Variants in LRRIQ1 observed in about 807,000 individuals in gnomAD.
LRRIQ1 encodes leucine-rich repeat- and IQ domain-containing protein 1.
A neutral mutation model predicts 211.9 loss-of-function variants in LRRIQ1; 210 were observed. The observed-to-expected ratio is 0.99, with a 90% CI of 0.89 to 1.11. The LOEUF is 1.11. Ranked by LOEUF, LRRIQ1 falls within the 50% of genes most tolerant of loss-of-function variation. The pLI, the probability that LRRIQ1 is intolerant of heterozygous loss-of-function variation, is 0.00. For missense variants in LRRIQ1, 2,136 were observed against 1,939.5 expected (o/e 1.10, Z -1.90); for synonymous variants, 699 against 650.1 (o/e 1.08, Z -1.14).
At chr12:85,168,278 A>G (rs925041746) in intron 24 of LRRIQ1, among the ~76,000 whole-genome samples, 2 of 152,090 alleles carry the variant, frequency 1.3e-5, no homozygotes, top group African/African-American at 4.8e-5. Context: ...ATCACAGGGC[A>G]TGGTAATACT....
At chr12:85,242,235 C>G (rs7487659) in intron 26 of LRRIQ1, among the ~76,000 whole-genome samples, 1,733 of 151,898 alleles carry the variant, frequency 0.011, 15 homozygotes, top group South Asian at 0.017. Flanking sequence ...GAATAAATGT[C>G]GAATGTGTGA....
intron 8 of LRRIQ1, among the ~76,000 whole-genome samples, chr12:85,063,153 G>C (rs1369460648): frequency 1.3e-5 from 2 of 150,548 alleles, no homozygotes; most frequent in African/African-American, 4.9e-5. Flanking sequence ...TAGGTTGTCT[G>C]TTTACTCTTT....
At chr12:85,256,835 A>G (rs892874870) in intron 1 of LRRIQ1, among the ~76,000 whole-genome samples, 2 of 150,518 alleles carry the variant, frequency 1.3e-5, no homozygotes, top group Admixed American at 6.7e-5. Flanking sequence ...TAAATTTTTC[A>G]AAGACTAAAA....
In LRRIQ1 at chr12:85,075,165, G is replaced by A. The variant is rs909309157; in HGVS notation, c.2887+2067G>A. 5.9e-5 allele frequency among the ~76,000 whole-genome samples: 9 copies of A among 151,924 alleles called. No individual in the cohort carries two copies. The South Asian group carries it at 6.2e-4, about 11-fold the overall frequency. ...GAGTTAGGTACTATTAAATATTTTCGGCTGGGCACAGTGGCTCACGCTTAT... is the reference window on the plus strand; with the variant it reads ...GAGTTAGGTACTATTAAATATTTTCAGCTGGGCACAGTGGCTCACGCTTAT... On this transcript the variant is annotated intron_variant, in intron 11 of 26. Coordinates refer to ENST00000393217, the MANE Select transcript of LRRIQ1 (RefSeq NM_001079910.2).
chr12:85,268,300 T>G (rs561273463), downstream of LRRIQ1, among the ~76,000 whole-genome samples: 2 of 152,006 alleles, frequency 1.3e-5, no homozygotes, highest in South Asian at 4.1e-4. Flanking sequence ...GTAAAAGGTA[T>G]AAATTTCTAA....
chr12:85,242,561 G>A (rs574224390), intron 26 of LRRIQ1, among the ~76,000 whole-genome samples: 12 of 151,956 alleles, frequency 7.9e-5, no homozygotes, highest in South Asian at 6.2e-4. Context: ...ACTGAGGAAC[G>A]ACTGTATATA....
At chr12:85,254,159 A>G (rs1896023244) in intron 1 of LRRIQ1, among the ~76,000 whole-genome samples, 1 of 151,946 alleles carries the variant, frequency 6.6e-6, no homozygotes, top group South Asian at 2.1e-4. Flanking sequence ...TACCTTTGCC[A>G]TGATTGTGAG....
chr12:85,227,929 C>G (rs963919025), intron 24 of LRRIQ1, among the ~76,000 whole-genome samples: 1 of 152,106 alleles, frequency 6.6e-6, no homozygotes, highest in African/African-American at 2.4e-5. Context: ...GGAAAAGATT[C>G]CCTATTTAAT....
At chr12:85,228,490 A>G (rs949952075) in intron 24 of LRRIQ1, among the ~76,000 whole-genome samples, 10 of 152,150 alleles carry the variant, frequency 6.6e-5, no homozygotes, top group African/African-American at 2.4e-4. Context: ...AGCAATAGGA[A>G]CTTTACTAAG....
At chr12:85,084,272 A>C (rs1884593455) in intron 11 of LRRIQ1, among the ~76,000 whole-genome samples, 1 of 152,204 alleles carries the variant, frequency 6.6e-6, no homozygotes, top group African/African-American at 2.4e-5. Context: ...AGTACCAACA[A>C]ATGTAAACAC....
rs185948750 is a variant in LRRIQ1 at position 85,122,347 on chromosome 12, C to G, written c.3557+471C>G. Among the ~76,000 whole-genome samples the G allele has an allele frequency of 4.9e-4, 75 of 152,062 alleles. No individual in the cohort carries two copies. The East Asian group carries it at 0.012, about 25-fold the overall frequency. On this transcript the variant is annotated intron_variant, in intron 16 of 26. Coordinates refer to ENST00000393217, the MANE Select transcript of LRRIQ1 (RefSeq NM_001079910.2). ...TACGTATCAAGGTATCATGGGAGCA[C>G]AGTAGAAAAAAGCAGTCAGCACTTG...
chr12:85,162,870 A>G (rs1192933560), intron 24 of LRRIQ1: 1 of 436,122 alleles, frequency 2.3e-6, no homozygotes, highest in Non-Finnish European at 4.5e-6. Context: ...CTAATGTGCT[A>G]TAGGTTTTTG....
At chr12:85,063,112 G>T (rs1319327023) in intron 8 of LRRIQ1, among the ~76,000 whole-genome samples, 1 of 151,588 alleles carries the variant, frequency 6.6e-6, no homozygotes, top group Non-Finnish European at 1.5e-5. Flanking sequence ...TTTGTCCGGT[G>T]CATAGTCTAC....
intron 13 of LRRIQ1, 36 bp from the exon 14 acceptor site, chr12:85,103,968 T>C: frequency 7.5e-7 from 1 of 1,340,060 alleles, no homozygotes; most frequent in Non-Finnish European, 1.0e-6. Flanking sequence ...ACTTTCCAAT[T>C]TAGAATTTTG....
chr12:85,250,035 G>A (rs1052976974), downstream of LRRIQ1, among the ~76,000 whole-genome samples: 22 of 151,654 alleles, frequency 1.5e-4, no homozygotes, highest in Non-Finnish European at 2.5e-4. Context: ...CTACAGGGAA[G>A]CAGGGAGTTT....
At chr12:85,207,503 A>G (rs1468685619) in intron 24 of LRRIQ1, among the ~76,000 whole-genome samples, 1 of 152,132 alleles carries the variant, frequency 6.6e-6, no homozygotes, top group African/African-American at 2.4e-5. Context: ...GATGTCTTTC[A>G]CACAGAAGCA....
intron 12 of LRRIQ1, 63 bp from the exon 13 acceptor site, chr12:85,098,804 T>TACAC: frequency 8.0e-7 from 1 of 1,255,516 alleles, no homozygotes; most frequent in Non-Finnish European, 1.1e-6. Context: ...GTGTATTTTT[T>TACAC]AATTGGGCTA....
intron 11 of LRRIQ1, among the ~76,000 whole-genome samples, chr12:85,073,312 C>T (rs1883293549): frequency 6.6e-6 from 1 of 151,856 alleles, no homozygotes; most frequent in Non-Finnish European, 1.5e-5. Context: ...GTTTATTTGC[C>T]TGCGTTCTTG....
intron 8 of LRRIQ1, among the ~76,000 whole-genome samples, chr12:85,059,755 G>A (rs1389666802): frequency 1.3e-5 from 2 of 151,676 alleles, no homozygotes; most frequent in Admixed American, 1.3e-4. Flanking sequence ...CGGGTTGATG[G>A]GTGCAGCAAA....
Sources: gnomAD v4.1 joint callset for allele counts (sites outside exome capture counted in the v4.1 genomes callset) on GRCh38, gnomAD v4.1.1 for gene constraint, MANE v1.5 for transcripts, NCBI Gene and HGNC (gene_info 2026-07-23, HGNC 2026-07-21) for gene names.